DOCK2: variants seen among roughly 807,000 people sequenced by gnomAD.
DOCK2 encodes the protein dedicator of cytokinesis 2.
In DOCK2, 87 loss-of-function variants were observed where a neutral mutation model predicts 248.9. The observed-to-expected ratio is 0.35, with a 90% confidence interval of 0.29 to 0.42. The LOEUF is 0.42. DOCK2 is among the 10% of genes least tolerant of loss of function. The pLI, the probability that DOCK2 is intolerant of heterozygous loss-of-function variation, is 1.00. For synonymous variants in DOCK2, 805 were observed against 821.6 expected, an observed-to-expected ratio of 0.98 and a Z score of 0.35; for missense variants, 1,747 against 2,300.2, an observed-to-expected ratio of 0.76 and a Z score of 4.92.
chr5:169,664,004 C>T (rs1333373401), intron 2 of DOCK2, among the ~76,000 whole-genome samples: 1 of 152,202 alleles, frequency 6.6e-6, no homozygotes, highest in Non-Finnish European at 1.5e-5. Flanking sequence ...CTCTGCTTCC[C>T]TTTTAAACAT....
intron 25 of DOCK2, among the ~76,000 whole-genome samples, chr5:169,785,242 A>T (rs1765923645): frequency 6.6e-6 from 1 of 152,212 alleles, no homozygotes; most frequent in Non-Finnish European, 1.5e-5. Context: ...ATGTGAATGC[A>T]TTTGAAAACA....
At chr5:170,035,867 C>A (rs1027249314) in intron 35 of DOCK2, among the ~76,000 whole-genome samples, 1 of 152,044 alleles carries the variant, frequency 6.6e-6, no homozygotes, top group African/African-American at 2.4e-5. Context: ...ATGGATTGGA[C>A]CAGGACCACC....
chr5:170,011,600 T>C (rs144249415), intron 32 of DOCK2, among the ~76,000 whole-genome samples: 4 of 152,330 alleles, frequency 2.6e-5, no homozygotes, highest in African/African-American at 7.2e-5. Flanking sequence ...GAACCCAGGA[T>C]TCAGTGTTTT....
chr5:169,978,206 C>A (rs1386264467), intron 27 of DOCK2, among the ~76,000 whole-genome samples: 1 of 152,114 alleles, frequency 6.6e-6, no homozygotes, highest in African/African-American at 2.4e-5. Flanking sequence ...GGCTGTTTCA[C>A]TCCCTCTGCG....
intron 26 of DOCK2, among the ~76,000 whole-genome samples, chr5:169,807,648 C>T (rs1048512852): frequency 4.6e-5 from 7 of 151,606 alleles, no homozygotes; most frequent in Non-Finnish European, 7.4e-5. Flanking sequence ...CTGGCTAATA[C>T]GGTGAAACCC....
intron 32 of DOCK2, among the ~76,000 whole-genome samples, chr5:170,009,098 A>C (rs367635916): frequency 6.6e-6 from 1 of 151,988 alleles, no homozygotes; most frequent in African/African-American, 2.4e-5. Flanking sequence ...GTCCTTCTGC[A>C]TCCTGTATAG....
chr5:169,764,231 A>G lies in DOCK2; in HGVS notation c.2554+2606A>G, dbSNP rs1764643318. On this transcript the variant is annotated intron_variant, in intron 25 of 51. Transcript: ENST00000520908. This position sits in a 1 kb window ranked among gnomAD's most constrained non-coding sequence, Gnocchi z 4.3. Reference sequence around the variant, plus strand: ...TGTGCAAATTGCCTGGAGTATTTTCAGTGACAGTTGCTTGTACTCACAGCC... The same window carrying G: ...TGTGCAAATTGCCTGGAGTATTTTCGGTGACAGTTGCTTGTACTCACAGCC... Among the ~76,000 whole-genome samples the G allele has an allele frequency of 2.6e-5, 4 of 152,206 alleles. No homozygotes were observed. Among genetic ancestry groups the G allele is most frequent in the Admixed American group, 2.6e-4 (4 of 15,280 alleles).
Position 169,670,597 on chromosome 5 carries a change from G to A in DOCK2, c.224G>A (p.Arg75Lys). The stretch of plus-strand genomic sequence containing the variant: ...AAGGAAGTGACAGTTGAGAAAAGAA[G>A]GTATTTGCCATTCTTCACCAGACTT... ...HIKEVTVEKRRNTENIIPAEI... is the reference protein window; with the variant it reads ...HIKEVTVEKRKNTENIIPAEI... The change falls in exon 4 of 52, where the codon AGA becomes AAA. Residue 75 changes from arginine (R) to lysine (K), a missense_variant and splice_region_variant. By Grantham distance (26) the Arg-to-Lys change is conservative (BLOSUM62 2). Transcript: ENST00000520908. 6.2e-7 allele frequency: 1 copy of A among 1,613,966 alleles called. No individual in the cohort carries two copies. Among genetic ancestry groups the A allele is most frequent in the Non-Finnish European group, 8.5e-7 (1 of 1,179,972 alleles).
At position 169,907,635 on chromosome 5, in the gene DOCK2, A is replaced by G. The variant is rs191461804; in HGVS notation, c.2799+66783A>G. 3.7e-3 allele frequency among the ~76,000 whole-genome samples: 558 copies of G among 152,348 alleles called. 5 individuals are homozygous for G. The highest frequency in any genetic ancestry group is 0.013 in the African/African-American group (521 of 41,590). ...GTTCAATTACCTCTGTTCTACACAC[A>G]AGAAAATTAAGGCTCAGAGAGGTCA... On this transcript the variant is annotated intron_variant, in intron 27 of 51. Transcript: ENST00000520908.
At chr5:170,021,866 G>A (rs1418933617) in intron 33 of DOCK2, among the ~76,000 whole-genome samples, 1 of 152,128 alleles carries the variant, frequency 6.6e-6, no homozygotes, top group African/African-American at 2.4e-5. Context: ...AAGCAGCCTT[G>A]ATGGCCAGAA....
At chr5:170,072,979 T>C (rs1360233483) in intron 46 of DOCK2, among the ~76,000 whole-genome samples, 1 of 152,232 alleles carries the variant, frequency 6.6e-6, no homozygotes, top group East Asian at 1.9e-4. Context: ...GCTTTCTTAA[T>C]GATGTATTTT....
Position 169,755,642 on chromosome 5 carries a change from G to T in DOCK2, c.2377-4063G>T, listed in dbSNP as rs1764157628. Among the ~76,000 whole-genome samples, 4 of 152,274 alleles carry T rather than the reference G, an allele frequency of 2.6e-5. No homozygotes were observed. The South Asian group carries it at 8.3e-4, about 32-fold the overall frequency. ...GCCTATAATCCCAGCTACTCCTGAG[G>T]TTGAGGCAGGACAATTGCTTGAACC... On this transcript the variant is annotated intron_variant, in intron 23 of 51. Coordinates refer to ENST00000520908, the MANE Select transcript of DOCK2 (RefSeq NM_004946.3).
intron 34 of DOCK2, 60 bp downstream of exon 34, chr5:170,028,008 T>C (rs1755982011): frequency 2.0e-6 from 3 of 1,508,538 alleles, no homozygotes; most frequent in African/African-American, 1.4e-5. Context: ...GCGGGAGGGC[T>C]CAGAACTCCA....
At chr5:169,836,272 C>T (rs1326984137) in intron 26 of DOCK2, among the ~76,000 whole-genome samples, 1 of 152,154 alleles carries the variant, frequency 6.6e-6, no homozygotes, top group Non-Finnish European at 1.5e-5. Context: ...CAACAACAAC[C>T]TGGTTCAAAA....
At chr5:169,840,300 G>C (rs1412737353) in intron 26 of DOCK2, among the ~76,000 whole-genome samples, 1 of 152,160 alleles carries the variant, frequency 6.6e-6, no homozygotes, top group Admixed American at 6.5e-5. Context: ...AGCACCAAGG[G>C]AGATGGTGTT....
chr5:170,004,635 T>C (rs1294413934), intron 30 of DOCK2, among the ~76,000 whole-genome samples: 1 of 149,082 alleles, frequency 6.7e-6, no homozygotes, highest in Non-Finnish European at 1.5e-5. Context: ...TATTGTGGCA[T>C]TATTCACAAT....
intron 27 of DOCK2, among the ~76,000 whole-genome samples, chr5:169,859,218 CT>C (rs1462528732): frequency 6.6e-6 from 1 of 152,102 alleles, no homozygotes; most frequent in Non-Finnish European, 1.5e-5. Context: ...CATCCCTGCT[CT>C]TTATGGGCTG....
At chr5:169,772,165 TGCTATC>T (rs570889448) in intron 25 of DOCK2, among the ~76,000 whole-genome samples, 3 of 152,186 alleles carry the variant, frequency 2.0e-5, no homozygotes, top group Non-Finnish European at 4.4e-5. Flanking sequence ...AGGTTCTCTG[TGCTATC>T]GCTCACTGAG....
chr5:169,768,780 T>G (rs1482765454), intron 25 of DOCK2, among the ~76,000 whole-genome samples: 1 of 152,118 alleles, frequency 6.6e-6, no homozygotes, highest in South Asian at 2.1e-4. Context: ...TCTAGCCTCA[T>G]AGTGGGGCTG....
Sources: allele counts gnomAD v4.1 joint callset (sites outside exome capture counted in the v4.1 genomes callset), GRCh38; gene constraint gnomAD v4.1.1; non-coding constraint Gnocchi (gnomAD v3.1); transcripts MANE v1.5; gene names NCBI Gene and HGNC (gene_info 2026-07-23, HGNC 2026-07-21).